The following FBXO32 variants were observed in gnomAD, a reference collection of about 807,000 sequenced individuals.
FBXO32 encodes F-box only protein 32.
Under a neutral mutation model 48.3 loss-of-function variants are expected in FBXO32, and 15 were observed. The ratio of observed to expected loss-of-function variants is 0.31; its 90% CI spans 0.21 to 0.48. The LOEUF (loss-of-function observed/expected upper bound fraction) is 0.48. FBXO32 is among the 20% of genes least tolerant of loss of function. The pLI is 0.99. For missense variants in FBXO32, 309 were observed against 432.7 expected (o/e 0.71, Z 2.54); for synonymous variants, 154 against 165.9 (o/e 0.93, Z 0.55).
intron 4 of FBXO32, among the ~76,000 whole-genome samples, chr8:123,524,254 C>T (rs1817025096): frequency 6.6e-6 from 1 of 152,154 alleles, no homozygotes; most frequent in African/African-American, 2.4e-5. Context: ...AATTCTGTGG[C>T]CATGTCCCCC....
chr8:123,502,345 G>A lies in FBXO32; in HGVS notation c.*1028C>T, dbSNP rs1816511182. On this transcript the variant is annotated 3_prime_UTR_variant, in exon 9 of 9. Transcript: ENST00000517956. ...TTATCCATGAAGATATCCAAGGAAG[G>A]AAGTTCAGCAGGAATAAGGAAGTCT... 6.6e-6 allele frequency: 1 copy of A among 152,244 alleles called. No homozygotes were observed. The highest frequency in any genetic ancestry group is 1.5e-5 in the Non-Finnish European group (1 of 68,058). The allele number at this position is 152,244 out of a possible 1,614,324, so 9.4% of individuals were successfully genotyped here.
chr8:123,534,173 C>T (rs1023796412), intron 2 of FBXO32, among the ~76,000 whole-genome samples: 1 of 149,266 alleles, frequency 6.7e-6, no homozygotes, highest in Admixed American at 6.7e-5. Flanking sequence ...ATTTTAAATG[C>T]CAAACCTGAA....
rs963661319 is a variant in FBXO32 at position 123,502,187 on chromosome 8, T to G, written c.*1186A>C. ...GATGGACTCATTTTGATGTTGGACC[T>G]AAAGAAAAGAAGCTCCTCAGCTCAT... On this transcript the variant is annotated 3_prime_UTR_variant, in exon 9 of 9. Transcript: ENST00000517956. 6 of 152,204 alleles carry G rather than the reference T, an allele frequency of 3.9e-5. No homozygotes were observed. The highest frequency in any genetic ancestry group is 1.4e-4 in the African/African-American group (6 of 41,440). 9.4% of individuals were successfully genotyped at this position (152,204 alleles called of 1,614,324 possible).
chr8:123,506,500 G>C lies in FBXO32; in HGVS notation c.726C>G (p.Asp242Glu). 1 of 1,613,938 alleles carries C rather than the reference G, an allele frequency of 6.2e-7. No homozygotes were observed. Among genetic ancestry groups the C allele is most frequent in the African/African-American group, 1.3e-5 (1 of 75,034 alleles). The change falls in exon 7 of 9, where the codon GAC becomes GAG. Residue 242 changes from aspartate to glutamate, a missense_variant. Coordinates refer to ENST00000517956, the MANE Select transcript of FBXO32 (RefSeq NM_058229.4). This position sits in a 1 kb window ranked among gnomAD's most constrained non-coding sequence, Gnocchi z 4.0. ...GGCCCAGGCTGACCAGGTCCCGCCC[G>C]TCGCTCAGCCTCTGCATGATGTTCA... The part of the protein sequence containing the change: ...LQLNIMQRLS[D>E]GRDLVSLGQA...
In FBXO32 at chr8:123,505,596, C is replaced by T. The variant is rs566846661; in HGVS notation, c.834+796G>A. The stretch of plus-strand genomic sequence containing the variant: ...ACTAAAAATACAAAAATTAGCCAGG[C>T]ATGGCGGTGTGCACCTGTAATCCCA... On this transcript the variant is annotated intron_variant, in intron 7 of 8. Coordinates refer to ENST00000517956, the MANE Select transcript of FBXO32 (RefSeq NM_058229.4). Among the ~76,000 whole-genome samples the T allele has an allele frequency of 2.0e-5, 3 of 152,254 alleles. No homozygotes were observed. The South Asian group carries it at 6.2e-4, about 32-fold the overall frequency.
Position 123,525,538 on chromosome 8 carries a change from G to A in FBXO32, c.372+6360C>T, listed in dbSNP as rs933088949. On this transcript the variant is annotated intron_variant, in intron 4 of 8. Transcript: ENST00000517956. This position sits in a 1 kb window ranked among gnomAD's most constrained non-coding sequence, Gnocchi z 4.3. ...CTCCTGCGATATAGCCTGTGTGCAT[G>A]TGTGCAAATATTTTAGTGGTGATAA... 2.0e-5 allele frequency among the ~76,000 whole-genome samples: 3 copies of A among 152,218 alleles called. No individual in the cohort carries two copies. The highest frequency in any genetic ancestry group is 7.2e-5 in the African/African-American group (3 of 41,448).
At chr8:123,507,247 C>G (rs1816644611) in intron 6 of FBXO32, among the ~76,000 whole-genome samples, 1 of 152,088 alleles carries the variant, frequency 6.6e-6, no homozygotes, top group African/African-American at 2.4e-5. Flanking sequence ...CTAAAAGAAA[C>G]TTTGAAAGGA....
chr8:123,515,135 G>A (rs1816813623), intron 4 of FBXO32, among the ~76,000 whole-genome samples: 1 of 152,194 alleles, frequency 6.6e-6, no homozygotes, highest in African/African-American at 2.4e-5. Flanking sequence ...TTTAATACAA[G>A]GTAGAGTCAA....
In FBXO32 at chr8:123,509,990, G is replaced by C. The variant is rs367546459; in HGVS notation, c.651+3208C>G. 2.0e-5 allele frequency among the ~76,000 whole-genome samples: 3 copies of C among 152,158 alleles called. No homozygotes were observed. The East Asian group carries it at 5.8e-4, about 29-fold the overall frequency. ...GAGAAAAAGCTTATCCTACATTGTT[G>C]CTGGGTGGGGCAGATGAGATAATAC... On this transcript the variant is annotated intron_variant, in intron 6 of 8. Transcript: ENST00000517956.
In FBXO32 at chr8:123,531,899, C is replaced by A. The variant is rs759985681; in HGVS notation, c.371G>T (p.Arg124Leu). The A allele has an allele frequency of 9.9e-6, 16 of 1,614,042 alleles. No individual in the cohort carries two copies. Among genetic ancestry groups the A allele is most frequent in the Non-Finnish European group, 1.4e-5 (16 of 1,179,974 alleles). Residue 124 changes from arginine to leucine, a missense_variant and splice_region_variant, in exon 4 of 9, where the codon CGG becomes CTG. By Grantham distance (102) the Arg-to-Leu change is moderately radical. Transcript: ENST00000517956. ...AGCCTTTAGGCACTTGAGACTTACC[C>A]GGACCACGTAGTTAAATCTTCTGGA... ...LDSRRFNYVV[R>L]LLELIAKSQL...
Position 123,498,114 on chromosome 8 carries a change from T to G in FBXO32, c.*5259A>C, listed in dbSNP as rs1488093334. 1.3e-5 allele frequency: 2 copies of G among 152,208 alleles called. No homozygotes were observed. Among genetic ancestry groups the G allele is most frequent in the African/African-American group, 4.8e-5 (2 of 41,440 alleles). 9.4% of individuals were successfully genotyped at this position (152,208 alleles called of 1,614,324 possible). On this transcript the variant is annotated 3_prime_UTR_variant, in exon 9 of 9. Coordinates refer to ENST00000517956, the MANE Select transcript of FBXO32 (RefSeq NM_058229.4). The stretch of plus-strand genomic sequence containing the variant: ...AATGTTCAACCCCCTCTAATACTTT[T>G]CATTTAAAAAAGTACATTAAAGCTT...
intron 6 of FBXO32, among the ~76,000 whole-genome samples, chr8:123,510,894 G>A (rs999840710): frequency 3.3e-5 from 5 of 152,338 alleles, no homozygotes; most frequent in South Asian, 2.1e-4. Context: ...ATAGCTGCTC[G>A]GAAGAAGGTG....
intron 1 of FBXO32, among the ~76,000 whole-genome samples, chr8:123,537,959 C>A (rs926719780): frequency 1.3e-5 from 2 of 152,042 alleles, no homozygotes; most frequent in Non-Finnish European, 2.9e-5. Flanking sequence ...GAAGGCTGTG[C>A]GGGTGCCTGA....
At chr8:123,530,244 T>G (rs1481471591) in intron 4 of FBXO32, among the ~76,000 whole-genome samples, 1 of 152,096 alleles carries the variant, frequency 6.6e-6, no homozygotes, top group Non-Finnish European at 1.5e-5. Flanking sequence ...TCAGGTCACT[T>G]TGGACAGCCA....
intron 4 of FBXO32, among the ~76,000 whole-genome samples, chr8:123,528,598 TG>T (rs1817137596): frequency 6.6e-6 from 1 of 152,212 alleles, no homozygotes; most frequent in Non-Finnish European, 1.5e-5. Flanking sequence ...TTGTAGCCAG[TG>T]AAAATGATGT....
intron 4 of FBXO32, among the ~76,000 whole-genome samples, chr8:123,519,150 A>G (rs1295998763): frequency 6.6e-6 from 1 of 152,148 alleles, no homozygotes; most frequent in Non-Finnish European, 1.5e-5. Flanking sequence ...CAGTTTCAGG[A>G]CTTCAGTTTG....
At position 123,540,955 on chromosome 8, in the gene FBXO32, G is replaced by A. The variant is rs568106989; in HGVS notation, c.60C>T (p.Asp20=). The A allele has an allele frequency of 3.1e-6, 5 of 1,613,332 alleles. No individual in the cohort carries two copies. In the Admixed American group the frequency reaches 5.0e-5, roughly 16 times the overall value. The change falls in exon 1 of 9, where the codon GAC becomes GAT. Residue 20 remains aspartate (D), a synonymous_variant. Coordinates refer to ENST00000517956, the MANE Select transcript of FBXO32 (RefSeq NM_058229.4). The surrounding 1 kb of genome is among the most constrained non-coding windows in gnomAD (Gnocchi z 6.4). ...SPGQNWVKTA[D]GWKRFLDEKS... ...TCTCATCCAGGAAGCGCTTCCAGCC[G>A]TCGGCCGTCTTCACCCAGTTCTGCC... is the stretch of plus-strand genomic sequence containing the variant.
chr8:123,513,351 T>C lies in FBXO32; in HGVS notation c.498A>G (p.Ile166Met). Residue 166 changes from isoleucine to methionine, a missense_variant, in exon 6 of 9, where the codon ATA becomes ATG. Coordinates refer to ENST00000517956, the MANE Select transcript of FBXO32 (RefSeq NM_058229.4). This position sits in a 1 kb window ranked among gnomAD's most constrained non-coding sequence, Gnocchi z 4.3. ...TGTAGAGGGTCTGGAGTAGTTCCCT[T>C]ATTAGTCTAATGTTTTGCTGGTCTT... is the stretch of plus-strand genomic sequence containing the variant. ...VLEDQQNIRLIRELLQTLYTS... is the reference protein window; with the variant it reads ...VLEDQQNIRLMRELLQTLYTS... 1 of 1,614,120 alleles carries C rather than the reference T, an allele frequency of 6.2e-7. No homozygotes were observed. The highest frequency in any genetic ancestry group is 8.5e-7 in the Non-Finnish European group (1 of 1,179,988).
At chr8:123,534,870 G>T in intron 1 of FBXO32, 56 bp from the exon 2 acceptor site, 1 of 1,104,520 alleles carries the variant, frequency 9.1e-7, no homozygotes, top group Non-Finnish European at 1.4e-6. Context: ...ATGAACCTGA[G>T]CTGTTTCTAT....
Sources: allele counts gnomAD v4.1 joint callset (sites outside exome capture counted in the v4.1 genomes callset), GRCh38; gene constraint gnomAD v4.1.1; non-coding constraint Gnocchi (gnomAD v3.1); transcripts MANE v1.5; gene names NCBI Gene and HGNC (gene_info 2026-07-23, HGNC 2026-07-21).